Variants in FCHSD2 observed in about 807,000 individuals in gnomAD.
FCHSD2 encodes the protein F-BAR and double SH3 domains protein 2.
Under a neutral mutation model 108.1 loss-of-function variants are expected in FCHSD2, and 38 were observed. The ratio of observed to expected loss-of-function variants is 0.35; its 90% CI spans 0.27 to 0.46. The LOEUF is 0.46. Ranked by LOEUF, FCHSD2 falls within the 20% of genes least tolerant of loss-of-function variation. FCHSD2 has a pLI of 1.00. For synonymous variants in FCHSD2, 279 were observed against 314.7 expected (o/e 0.89, Z 1.20); for missense variants, 751 against 897.8 (o/e 0.84, Z 2.09).
In FCHSD2 at chr11:72,900,416, T is replaced by C. The variant is rs1855503747; in HGVS notation, c.924+2127A>G. ...CAAGGACACAACACCTAAGAACATTTAGCACAGTGTTTAGAAACAAAAGAT... is the reference window on the plus strand; with the variant it reads ...CAAGGACACAACACCTAAGAACATTCAGCACAGTGTTTAGAAACAAAAGAT... On this transcript the variant is annotated intron_variant, in intron 10 of 19. Transcript: ENST00000409418. 3.6e-6 allele frequency: 3 copies of C among 834,672 alleles called. No homozygotes were observed. In the South Asian group the frequency reaches 4.6e-5, roughly 13 times the overall value. 51.7% of individuals were successfully genotyped at this position (834,672 alleles called of 1,614,324 possible). A position where few individuals can be genotyped will look rare whatever the true frequency, so the allele number is the denominator to read the frequency against.
At chr11:73,013,472 C>A (rs1257644320) in intron 4 of FCHSD2, among the ~76,000 whole-genome samples, 1 of 152,204 alleles carries the variant, frequency 6.6e-6, no homozygotes, top group African/African-American at 2.4e-5. Flanking sequence ...TCTAGCCTCT[C>A]TAATCCTAAG....
intron 4 of FCHSD2, among the ~76,000 whole-genome samples, chr11:73,005,882 A>G (rs1857728904): frequency 6.6e-6 from 1 of 150,992 alleles, no homozygotes; most frequent in Non-Finnish European, 1.5e-5. Flanking sequence ...AAGAGTATCA[A>G]TATCCTGACT....
At chr11:72,844,424 G>A (rs1056038302) in intron 14 of FCHSD2, among the ~76,000 whole-genome samples, 2 of 152,204 alleles carry the variant, frequency 1.3e-5, no homozygotes, top group African/African-American at 4.8e-5. Context: ...TAACTGTGTG[G>A]AGACTGAGCT....
intron 8 of FCHSD2, among the ~76,000 whole-genome samples, chr11:72,952,785 A>T (rs1315046162): frequency 6.6e-6 from 1 of 152,250 alleles, no homozygotes; most frequent in East Asian, 1.9e-4. Context: ...ACACATATTT[A>T]CAATTCATGA....
intron 3 of FCHSD2, among the ~76,000 whole-genome samples, chr11:73,057,874 G>T (rs895349520): frequency 6.6e-6 from 1 of 151,450 alleles, no homozygotes; most frequent in African/African-American, 2.4e-5. Flanking sequence ...CTGCCAATTC[G>T]GTATTCTTTT....
chr11:73,047,420 G>C (rs1325394969), intron 3 of FCHSD2, among the ~76,000 whole-genome samples: 1 of 152,020 alleles, frequency 6.6e-6, no homozygotes, highest in Non-Finnish European at 1.5e-5. Context: ...ATTTGTACTT[G>C]GGATTATATT....
chr11:73,025,163 A>C (rs1308622930), intron 3 of FCHSD2, among the ~76,000 whole-genome samples: 1 of 152,198 alleles, frequency 6.6e-6, no homozygotes, highest in East Asian at 1.9e-4. Context: ...AATATAAATC[A>C]TTCTATTATA....
At chr11:72,839,779 G>A (rs1317533573) in intron 19 of FCHSD2, among the ~76,000 whole-genome samples, 2 of 152,164 alleles carry the variant, frequency 1.3e-5, no homozygotes, top group East Asian at 1.9e-4. Context: ...CAAGAGAAGA[G>A]ATCGGATTGG....
intron 4 of FCHSD2, among the ~76,000 whole-genome samples, chr11:73,004,952 C>T (rs537284292): frequency 1.6e-4 from 25 of 152,280 alleles, no homozygotes; most frequent in African/African-American, 5.5e-4. Flanking sequence ...ACCACATTTG[C>T]CAAACTCCTT....
At chr11:72,860,897 G>A (rs965058478) in intron 13 of FCHSD2, among the ~76,000 whole-genome samples, 1 of 152,000 alleles carries the variant, frequency 6.6e-6, no homozygotes, top group Non-Finnish European at 1.5e-5. Context: ...TTGTGCAATG[G>A]ACCTAAAGCA....
intron 13 of FCHSD2, among the ~76,000 whole-genome samples, chr11:72,860,717 G>A (rs1861550278): frequency 6.6e-6 from 1 of 151,904 alleles, no homozygotes; most frequent in African/African-American, 2.4e-5. Context: ...TGGTGGTGCT[G>A]GGAGGCTGAG....
intron 2 of FCHSD2, among the ~76,000 whole-genome samples, chr11:73,101,535 G>A (rs1221193855): frequency 6.6e-6 from 1 of 151,908 alleles, no homozygotes; most frequent in East Asian, 1.9e-4. Flanking sequence ...CATCTCCTGG[G>A]CTCAAGATCC....
At chr11:73,045,624 T>C (rs1338093173) in intron 3 of FCHSD2, among the ~76,000 whole-genome samples, 1 of 150,184 alleles carries the variant, frequency 6.7e-6, no homozygotes, top group Non-Finnish European at 1.5e-5. Flanking sequence ...TGTAGGGACA[T>C]GGATGAAATT....
At chr11:72,949,513 C>T (rs1856583659) in intron 8 of FCHSD2, among the ~76,000 whole-genome samples, 2 of 151,624 alleles carry the variant, frequency 1.3e-5, no homozygotes, top group South Asian at 4.2e-4. Flanking sequence ...GAAAAGAAAA[C>T]TTTATAGCCA....
At chr11:72,983,986 G>A (rs1857264187) in intron 8 of FCHSD2, 102 bp downstream of exon 8, 9 of 865,906 alleles carry the variant, frequency 1.0e-5, no homozygotes, top group Non-Finnish European at 1.7e-5. Context: ...AACATAGCCT[G>A]GCTACTCTTT....
At chr11:72,976,161 C>G (rs976350909) in intron 8 of FCHSD2, among the ~76,000 whole-genome samples, 1 of 152,072 alleles carries the variant, frequency 6.6e-6, no homozygotes, top group African/African-American at 2.4e-5. Context: ...AGAAATCTGC[C>G]TAATAATATA....
At chr11:72,914,043 G>A (rs903912791) in intron 9 of FCHSD2, among the ~76,000 whole-genome samples, 3 of 152,060 alleles carry the variant, frequency 2.0e-5, no homozygotes, top group Admixed American at 6.6e-5. Context: ...TTCAGAAGGA[G>A]TCTCACTGTC....
chr11:73,071,578 G>T (rs929107063), intron 3 of FCHSD2, among the ~76,000 whole-genome samples: 1 of 151,732 alleles, frequency 6.6e-6, no homozygotes, highest in African/African-American at 2.4e-5. Flanking sequence ...GTGTGTGCCC[G>T]TAGTCCCAAC....
chr11:72,986,271 G>A (rs113326682), intron 6 of FCHSD2, among the ~76,000 whole-genome samples: 34,075 of 152,044 alleles, frequency 0.22, 4,594 homozygotes, highest in Middle Eastern at 0.37. Flanking sequence ...GTGCAGTGGC[G>A]TGATCTCTGC....
Sources: gnomAD v4.1 joint callset for allele counts (sites outside exome capture counted in the v4.1 genomes callset) on GRCh38, gnomAD v4.1.1 for gene constraint, MANE v1.5 for transcripts, NCBI Gene and HGNC (gene_info 2026-07-23, HGNC 2026-07-21) for gene names.